Variants in ADGB observed in about 807,000 individuals in gnomAD.
ADGB encodes the protein calpain-7-like protein.
ADGB carries 172 observed loss-of-function variants against 210.5 expected under a neutral mutation model. The observed-to-expected ratio is 0.82, with a 90% CI of 0.72 to 0.93. The LOEUF (loss-of-function observed/expected upper bound fraction) is 0.93, where lower values mean the gene tolerates loss of function less well. Ranked by LOEUF, ADGB falls within the 40% of genes least tolerant of loss-of-function variation. The pLI, the probability that ADGB is intolerant of heterozygous loss-of-function variation, is 0.00. For synonymous variants in ADGB, 658 were observed against 662.7 expected, an observed-to-expected ratio of 0.99 and a Z score of 0.11; for missense variants, 2,025 against 1,964.8, an observed-to-expected ratio of 1.03 and a Z score of -0.58.
At chr6:146,682,082 T>C (rs149185103) in intron 9 of ADGB, among the ~76,000 whole-genome samples, 8 of 152,242 alleles carry the variant, frequency 5.3e-5, no homozygotes, top group African/African-American at 1.9e-4. Context: ...ATTAACTAAA[T>C]ATCACATCTG....
At chr6:146,721,798 A>G (rs1037355691) in intron 17 of ADGB, among the ~76,000 whole-genome samples, 1 of 152,174 alleles carries the variant, frequency 6.6e-6, no homozygotes, top group Non-Finnish European at 1.5e-5. Flanking sequence ...AGATCGCGCC[A>G]TTGCACTCCA....
chr6:146,676,286 A>G, intron 8 of ADGB, 27 bp from the exon 9 acceptor site: 1 of 1,525,712 alleles, frequency 6.6e-7, no homozygotes, highest in African/African-American at 1.4e-5. Flanking sequence ...TAGTTAAAAT[A>G]TTTATTGTGA....
intron 20 of ADGB, among the ~76,000 whole-genome samples, chr6:146,731,374 A>G (rs1776984929): frequency 1.3e-5 from 2 of 150,086 alleles, no homozygotes; most frequent in African/African-American, 2.5e-5. Flanking sequence ...AAAAAAAGCT[A>G]TAGTCTCTAC....
At chr6:146,629,776 C>G (rs1176108359) in intron 1 of ADGB, among the ~76,000 whole-genome samples, 1 of 152,102 alleles carries the variant, frequency 6.6e-6, no homozygotes. Context: ...AAAAAAGCTT[C>G]ATTTTTCCCT....
At chr6:146,663,388 C>G (rs1023090817) in intron 5 of ADGB, among the ~76,000 whole-genome samples, 2 of 151,474 alleles carry the variant, frequency 1.3e-5, no homozygotes, top group Non-Finnish European at 2.9e-5. Flanking sequence ...AGCCCTGCTC[C>G]CTGGTTCATA....
chr6:146,636,994 T>G (rs7742228), intron 2 of ADGB, among the ~76,000 whole-genome samples: 8,178 of 151,978 alleles, frequency 0.054, 739 homozygotes, highest in African/African-American at 0.18. Context: ...AGCTAAGTGA[T>G]GAGAACTAAA....
In ADGB at chr6:146,692,900, C is replaced by A. The variant is rs888904658; in HGVS notation, c.1562C>A (p.Thr521Lys). ...PFLNYRMTPFTIPTEMHFVRS... is the reference protein window; with the variant it reads ...PFLNYRMTPFKIPTEMHFVRS... ...TTGAATTATAGAATGACTCCATTTA[C>A]AATTCCAACAGAAATGTAAGTATTA... Residue 521 changes from threonine (T) to lysine (K), a missense_variant, in exon 12 of 36, where the codon ACA becomes AAA. Transcript: ENST00000397944. 6.6e-7 allele frequency: 1 copy of A among 1,512,248 alleles called. No individual in the cohort carries two copies. The highest frequency in any genetic ancestry group is 1.7e-4 in the Middle Eastern group (1 of 5,862). The allele number at this position is 1,512,248 out of a possible 1,614,324, so 93.7% of individuals were successfully genotyped here. A position where few individuals can be genotyped will look rare whatever the true frequency, so the allele number is the denominator to read the frequency against.
chr6:146,775,839 G>C (rs544240560), intron 29 of ADGB, among the ~76,000 whole-genome samples: 1 of 151,496 alleles, frequency 6.6e-6, no homozygotes, highest in Non-Finnish European at 1.5e-5. Flanking sequence ...TATATAAAAA[G>C]ACTTTTCTGT....
chr6:146,642,988 C>T (rs977324165), intron 2 of ADGB, among the ~76,000 whole-genome samples: 1 of 151,732 alleles, frequency 6.6e-6, no homozygotes, highest in African/African-American at 2.4e-5. Context: ...GAGGAGAAAT[C>T]AAATAATAGA....
intron 7 of ADGB, among the ~76,000 whole-genome samples, chr6:146,671,431 G>C (rs1776007572): frequency 6.6e-6 from 1 of 152,130 alleles, no homozygotes; most frequent in Non-Finnish European, 1.5e-5. Context: ...TAAAGAGAGA[G>C]TCTTGGTCAT....
chr6:146,664,377 AG>A, intron 6 of ADGB, 37 bp downstream of exon 6: 2 of 1,510,746 alleles, frequency 1.3e-6, no homozygotes, highest in Non-Finnish European at 1.8e-6. Context: ...GAATAAAAAA[AG>A]CAAACAAAAA....
At chr6:146,725,259 A>G (rs1451702797) in intron 18 of ADGB, 1 of 152,186 alleles carries the variant, frequency 6.6e-6, no homozygotes, top group East Asian at 1.9e-4. Context: ...AACCTAAACC[A>G]TCAACATGTA....
At chr6:146,660,898 CTTTG>C (rs143765652) in intron 5 of ADGB, among the ~76,000 whole-genome samples, 1,780 of 152,010 alleles carry the variant, frequency 0.012, 28 homozygotes, top group African/African-American at 0.041. Context: ...TGATTTTATT[CTTTG>C]TTTGTTCTTT....
At chr6:146,686,942 T>C (rs1218687955) in intron 10 of ADGB, among the ~76,000 whole-genome samples, 2 of 152,186 alleles carry the variant, frequency 1.3e-5, no homozygotes, top group East Asian at 1.9e-4. Context: ...TATTATACTT[T>C]ACTATGTGCA....
intron 32 of ADGB, 32 bp from the exon 33 acceptor site, chr6:146,788,357 G>C (rs1395796377): frequency 1.3e-6 from 2 of 1,540,276 alleles, no homozygotes. Context: ...TGGAACGCCA[G>C]CTTTTTCAGT....
intron 27 of ADGB, 91 bp from the exon 28 acceptor site, chr6:146,763,810 G>T (rs1016046031): frequency 8.9e-7 from 1 of 1,128,462 alleles, no homozygotes; most frequent in African/African-American, 1.6e-5. Flanking sequence ...CTATTCCTTT[G>T]AGTGTTTTAT....
At chr6:146,770,322 AG>A (rs1777631825) in intron 29 of ADGB, 1 of 181,394 alleles carries the variant, frequency 5.5e-6, no homozygotes, top group Admixed American at 5.8e-5. Flanking sequence ...CTTTATTAGA[AG>A]GTATAGATTC....
Position 146,735,564 on chromosome 6 carries a change from T to C in ADGB, c.2795-934T>C, listed in dbSNP as rs78513549. 6.0e-3 allele frequency among the ~76,000 whole-genome samples: 909 copies of C among 152,336 alleles called. 5 individuals are homozygous for C. The highest frequency in any genetic ancestry group is 9.8e-3 in the Non-Finnish European group (668 of 68,028). On this transcript the variant is annotated intron_variant, in intron 22 of 35. Transcript: ENST00000397944. ...TCTTAAAGGTTCCACTTCTCAATGC[T>C]GTTACTTTGGGAATTAAGTTTCTAA... is the stretch of plus-strand genomic sequence containing the variant.
At chr6:146,786,185 ATATAT>A (rs1297576556) in intron 32 of ADGB, among the ~76,000 whole-genome samples, 8 of 147,846 alleles carry the variant, frequency 5.4e-5, no homozygotes, top group East Asian at 3.9e-4. Flanking sequence ...ATATTTAAGT[ATATAT>A]TATATTATAT....
Sources: allele counts gnomAD v4.1 joint callset (sites outside exome capture counted in the v4.1 genomes callset), GRCh38; gene constraint gnomAD v4.1.1; transcripts MANE v1.5; gene names NCBI Gene and HGNC (gene_info 2026-07-23, HGNC 2026-07-21).